The following TXNRD3 variants were observed in gnomAD, a reference collection of about 807,000 sequenced individuals.
TXNRD3 encodes TXNRD3 neighbor gene protein.
A neutral mutation model predicts 78.2 loss-of-function variants in TXNRD3; 68 were observed. That is an observed-to-expected ratio of 0.87 (90% CI 0.72 to 1.06). The LOEUF (loss-of-function observed/expected upper bound fraction) is 1.06, where lower values mean the gene tolerates loss of function less well. TXNRD3 is among the 50% of genes least tolerant of loss of function. The pLI, the probability that TXNRD3 is intolerant of heterozygous loss-of-function variation, is 0.00. For missense variants in TXNRD3, 751 were observed against 809.5 expected (o/e 0.93, Z 0.88); for synonymous variants, 296 against 300.1 (o/e 0.99, Z 0.14).
At chr3:126,627,664 A>G (rs1439327165) in intron 10 of TXNRD3, among the ~76,000 whole-genome samples, 1 of 152,266 alleles carries the variant, frequency 6.6e-6, no homozygotes, top group African/African-American at 2.4e-5. Context: ...AATCAAAAGT[A>G]AATCAAGGAA....
intron 15 of TXNRD3, 102 bp downstream of exon 15, chr3:126,608,397 T>C (rs1489487743): frequency 9.1e-6 from 11 of 1,209,686 alleles, no homozygotes; most frequent in South Asian, 4.0e-5. Flanking sequence ...TTTAAAAATA[T>C]ACAAATCAGT....
At chr3:126,653,240 G>A (rs918122673) in intron 1 of TXNRD3, among the ~76,000 whole-genome samples, 4 of 152,200 alleles carry the variant, frequency 2.6e-5, no homozygotes, top group Non-Finnish European at 5.9e-5. Context: ...AACTGGTTTT[G>A]TTACATGCCA....
At chr3:126,629,675 T>C (rs915052577) in intron 9 of TXNRD3, among the ~76,000 whole-genome samples, 1 of 152,188 alleles carries the variant, frequency 6.6e-6, no homozygotes, top group African/African-American at 2.4e-5. Flanking sequence ...AATGAATTAA[T>C]GAATTAGTTG....
chr3:126,629,544 G>C, intron 9 of TXNRD3, 73 bp from the exon 10 acceptor site: 2 of 1,161,394 alleles, frequency 1.7e-6, no homozygotes, highest in Non-Finnish European at 2.4e-6. Context: ...GGTCTACACC[G>C]GTATGTTCGT....
At chr3:126,650,469 T>C (rs990972003) in intron 1 of TXNRD3, among the ~76,000 whole-genome samples, 2 of 152,036 alleles carry the variant, frequency 1.3e-5, no homozygotes, top group African/African-American at 4.8e-5. Flanking sequence ...GGTGAAACAC[T>C]GTCTGTACAA....
chr3:126,607,789 G>T lies in TXNRD3; in HGVS notation c.*116C>A. ...CATCTAAGTGTCGTAAGACAGCCCT[G>T]CACTGGTCCCTGAGTAACAGAGCAG... On this transcript the variant is annotated 3_prime_UTR_variant, in exon 16 of 16. Coordinates refer to ENST00000524230, the MANE Select transcript of TXNRD3 (RefSeq NM_052883.3). 1.3e-6 allele frequency: 1 copy of T among 760,582 alleles called. No homozygotes were observed. The highest frequency in any genetic ancestry group is 2.0e-6 in the Non-Finnish European group (1 of 500,194). The allele number at this position is 760,582 out of a possible 1,614,324, so 47.1% of individuals were successfully genotyped here. A position where few individuals can be genotyped will look rare whatever the true frequency, so the allele number is the denominator to read the frequency against.
intron 1 of TXNRD3, among the ~76,000 whole-genome samples, chr3:126,649,973 C>T (rs1204749724): frequency 6.6e-6 from 1 of 152,072 alleles, no homozygotes; most frequent in Non-Finnish European, 1.5e-5. Context: ...GAACTCTACA[C>T]TAAAAAATAG....
chr3:126,619,591 G>A (rs1181181805), intron 12 of TXNRD3, among the ~76,000 whole-genome samples: 1 of 152,156 alleles, frequency 6.6e-6, no homozygotes, highest in Non-Finnish European at 1.5e-5. Flanking sequence ...GGAGAGGTTG[G>A]TTAATAGACA....
intron 1 of TXNRD3, among the ~76,000 whole-genome samples, chr3:126,653,921 T>C (rs1400908860): frequency 2.0e-5 from 3 of 151,856 alleles, no homozygotes; most frequent in African/African-American, 7.3e-5. Flanking sequence ...GGAAGAAAAC[T>C]GCAGAAGAAT....
Position 126,630,838 on chromosome 3 carries a change from G to A in TXNRD3, c.1071C>T (p.Gly357=). 6.5e-7 allele frequency: 1 copy of A among 1,535,788 alleles called. No homozygotes were observed. Among genetic ancestry groups the A allele is most frequent in the Non-Finnish European group, 8.7e-7 (1 of 1,146,872 alleles). ...AGCGTACCATAACTGTGACATCTAG[G>A]CCAAAGCCAGCCAGAAACCCTGCAC... Residue 357 remains glycine, a synonymous_variant, in exon 9 of 16, where the codon GGC becomes GGT. Coordinates refer to ENST00000524230, the MANE Select transcript of TXNRD3 (RefSeq NM_052883.3).
Position 126,608,596 on chromosome 3 carries a change from G to A in TXNRD3, c.1766C>T (p.Ala589Val). ...TGCAAATCCTTGGGTAACCTCACCG[G>A]CGTTTGGTCCAAGAATATGAAATCC... is the stretch of plus-strand genomic sequence containing the variant. The change falls in exon 15 of 16, where the codon GCC becomes GTC. Residue 589 changes from alanine (A) to valine (V), a missense_variant. By Grantham distance (64) the Ala-to-Val change is moderately conservative. Transcript: ENST00000524230. The A allele has an allele frequency of 2.0e-6, 3 of 1,535,848 alleles. No homozygotes were observed. Among genetic ancestry groups the A allele is most frequent in the Non-Finnish European group, 2.6e-6 (3 of 1,146,822 alleles).
chr3:126,635,516 T>C (rs1938835910), intron 6 of TXNRD3, among the ~76,000 whole-genome samples: 1 of 152,204 alleles, frequency 6.6e-6, no homozygotes, highest in Admixed American at 6.5e-5. Flanking sequence ...CTGAGAAAGG[T>C]CACCCTCTAT....
Position 126,608,589 on chromosome 3 carries a change from C to A in TXNRD3, c.1773G>T (p.Glu591Asp). ...TTGCAGCTGCAAATCCTTGGGTAAC[C>A]TCACCGGCGTTTGGTCCAAGAATAT... The change falls in exon 15 of 16, where the codon GAG becomes GAT. Residue 591 changes from glutamate (E) to aspartate (D), a missense_variant. Physicochemically the swap from Glu to Asp is conservative, Grantham distance 45 (BLOSUM62 2). Transcript: ENST00000524230. 6.5e-7 allele frequency: 1 copy of A among 1,535,904 alleles called. No individual in the cohort carries two copies. The highest frequency in any genetic ancestry group is 8.7e-7 in the Non-Finnish European group (1 of 1,146,818).
At chr3:126,642,712 C>T (rs1231744682) in intron 5 of TXNRD3, among the ~76,000 whole-genome samples, 1 of 152,058 alleles carries the variant, frequency 6.6e-6, no homozygotes. Context: ...AGGAAAGAGG[C>T]CAGGGTGAGG....
intron 13 of TXNRD3, among the ~76,000 whole-genome samples, chr3:126,613,463 G>C (rs1431714211): frequency 6.6e-6 from 1 of 152,196 alleles, no homozygotes; most frequent in African/African-American, 2.4e-5. Context: ...AACAAGCAAA[G>C]GATGAAGCTG....
chr3:126,622,369 A>T, intron 11 of TXNRD3, 95 bp downstream of exon 11: 1 of 804,516 alleles, frequency 1.2e-6, no homozygotes, highest in East Asian at 2.8e-5. Context: ...ATAAATTAAG[A>T]CATATCTCAG....
chr3:126,610,968 A>G (rs1576278776), intron 14 of TXNRD3, 69 bp downstream of exon 14: 2 of 1,053,880 alleles, frequency 1.9e-6, no homozygotes, highest in East Asian at 5.7e-5. Flanking sequence ...AATTATAGAA[A>G]TCCAAATACT....
At chr3:126,611,877 A>T (rs1520847) in intron 13 of TXNRD3, among the ~76,000 whole-genome samples, 11,140 of 152,314 alleles carry the variant, frequency 0.073, 474 homozygotes, top group East Asian at 0.2. Context: ...ACCATTTTAA[A>T]TGTTAGGGAA....
intron 8 of TXNRD3, among the ~76,000 whole-genome samples, chr3:126,631,410 G>T (rs1406910643): frequency 6.6e-6 from 1 of 151,774 alleles, no homozygotes; most frequent in African/African-American, 2.4e-5. Flanking sequence ...GAAAAGTGGT[G>T]CTGCTCCTCC....
Sources: gnomAD v4.1 joint callset for allele counts (sites outside exome capture counted in the v4.1 genomes callset) on GRCh38, gnomAD v4.1.1 for gene constraint, MANE v1.5 for transcripts, NCBI Gene and HGNC (gene_info 2026-07-23, HGNC 2026-07-21) for gene names.